GIGYF2: variants seen among roughly 807,000 people sequenced by gnomAD.
GIGYF2 encodes the protein GRB10 interacting GYF protein 2.
GIGYF2 carries 25 observed loss-of-function variants against 208.1 expected under a neutral mutation model. That is an observed-to-expected ratio of 0.12 (90% CI 0.09 to 0.17). The LOEUF is 0.17. GIGYF2 is among the 10% of genes least tolerant of loss of function. The pLI is 1.00. For synonymous variants in GIGYF2, 534 were observed against 543.8 expected (o/e 0.98, Z 0.25); for missense variants, 1,302 against 1,579.4 (o/e 0.82, Z 2.98).
chr2:232,813,754 T>C (rs1700816233), intron 18 of GIGYF2, among the ~76,000 whole-genome samples: 2 of 152,182 alleles, frequency 1.3e-5, no homozygotes, highest in African/African-American at 4.8e-5. Flanking sequence ...TTATTTTTTC[T>C]TGATAGCCGT....
At chr2:232,767,574 G>T (rs965786351) in intron 8 of GIGYF2, 1 of 154,748 alleles carries the variant, frequency 6.5e-6, no homozygotes, top group Admixed American at 6.4e-5. Flanking sequence ...ATGTGTTCGG[G>T]TGTCATGTTC....
chr2:232,805,425 T>C (rs1334626900), intron 14 of GIGYF2, among the ~76,000 whole-genome samples: 1 of 152,092 alleles, frequency 6.6e-6, no homozygotes, highest in Non-Finnish European at 1.5e-5. Flanking sequence ...TCTATGTGTA[T>C]TGACCCTTCT....
chr2:232,850,457 T>C, intron 28 of GIGYF2, 48 bp downstream of exon 28: 1 of 1,535,296 alleles, frequency 6.5e-7, no homozygotes, highest in Non-Finnish European at 9.0e-7. Flanking sequence ...GTGCAGGTGA[T>C]ACCAGTTATC....
chr2:232,782,873 G>C (rs1482405261), intron 8 of GIGYF2: 1 of 152,144 alleles, frequency 6.6e-6, no homozygotes, highest in Non-Finnish European at 1.5e-5. Flanking sequence ...GGGCTGATTG[G>C]GAGGACGCAT....
At chr2:232,818,540 C>T (rs796155266) in intron 20 of GIGYF2, among the ~76,000 whole-genome samples, 15 of 152,180 alleles carry the variant, frequency 9.9e-5, no homozygotes, top group African/African-American at 3.4e-4. Context: ...CTGTCGTTTC[C>T]CCCATTGTGT....
chr2:232,832,257 T>C (rs1012630318), intron 21 of GIGYF2, among the ~76,000 whole-genome samples: 3 of 152,154 alleles, frequency 2.0e-5, no homozygotes, highest in Admixed American at 6.5e-5. Flanking sequence ...GGGAATTTCT[T>C]AGTGAAATGA....
At chr2:232,700,526 T>A (rs1695796033) in intron 1 of GIGYF2, 1 of 152,260 alleles carries the variant, frequency 6.6e-6, no homozygotes, top group Non-Finnish European at 1.5e-5. Context: ...TTTGCAGTTC[T>A]CCATTAGCTC....
chr2:232,762,072 A>G (rs537384414), intron 8 of GIGYF2, among the ~76,000 whole-genome samples: 46 of 151,844 alleles, frequency 3.0e-4, no homozygotes, highest in African/African-American at 1.1e-3. Flanking sequence ...GTACTACCTT[A>G]CAAACTACCA....
chr2:232,837,041 T>A (rs1302904530), intron 22 of GIGYF2, among the ~76,000 whole-genome samples: 1 of 152,230 alleles, frequency 6.6e-6, no homozygotes, highest in Non-Finnish European at 1.5e-5. Flanking sequence ...GGCTTGCCTC[T>A]CCTGATGGCT....
intron 8 of GIGYF2, among the ~76,000 whole-genome samples, chr2:232,778,861 A>T (rs1699617308): frequency 6.6e-6 from 1 of 152,168 alleles, no homozygotes; most frequent in African/African-American, 2.4e-5. Flanking sequence ...TTGAAAATTA[A>T]CTTGAGGAAG....
intron 20 of GIGYF2, among the ~76,000 whole-genome samples, chr2:232,818,971 C>CTT (rs139232721): frequency 6.6e-6 from 1 of 150,928 alleles, no homozygotes; most frequent in Non-Finnish European, 1.5e-5. Flanking sequence ...ATTTTTTGGT[C>CTT]TTTTTTTTTC....
intron 3 of GIGYF2, chr2:232,735,921 A>C (rs1697715534): frequency 2.0e-6 from 2 of 984,366 alleles, no homozygotes; most frequent in African/African-American, 3.5e-5. Context: ...TTTTCTATTC[A>C]AACCTCGGGC....
intron 2 of GIGYF2, among the ~76,000 whole-genome samples, chr2:232,713,660 T>C (rs1696534849): frequency 1.3e-5 from 2 of 152,220 alleles, no homozygotes; most frequent in African/African-American, 4.8e-5. Context: ...TAGGCTTCTT[T>C]AGCTATGACA....
At chr2:232,795,958 C>G (rs746015537) in intron 13 of GIGYF2, 104 bp from the exon 14 acceptor site, 3 of 812,372 alleles carry the variant, frequency 3.7e-6, no homozygotes, top group Non-Finnish European at 6.4e-6. Context: ...TAGTGACTTT[C>G]ATAGATCAAG....
chr2:232,734,636 T>C lies in GIGYF2; in HGVS notation c.-43-519T>C, dbSNP rs567556155. ...GAGCAACATAGTGATACACACTGTC[T>C]GTTAAAAAAAAATCACTAGGGTGTA... On this transcript the variant is annotated intron_variant, in intron 2 of 28. Coordinates refer to ENST00000373563, the MANE Select transcript of GIGYF2 (RefSeq NM_001103146.3). 8 of 156,298 alleles carry C rather than the reference T, an allele frequency of 5.1e-5. No individual in the cohort carries two copies. The East Asian group carries it at 1.5e-3, about 30-fold the overall frequency. The allele number at this position is 156,298 out of a possible 1,614,324, so 9.7% of individuals were successfully genotyped here. A position where few individuals can be genotyped will look rare whatever the true frequency, so the allele number is the denominator to read the frequency against.
At chr2:232,707,859 A>G (rs1247445263) in intron 2 of GIGYF2, among the ~76,000 whole-genome samples, 1 of 151,962 alleles carries the variant, frequency 6.6e-6, no homozygotes, top group Non-Finnish European at 1.5e-5. Flanking sequence ...GCTGGTCCCG[A>G]ACTCTTGACC....
chr2:232,809,307 T>C (rs1286827154), intron 15 of GIGYF2, among the ~76,000 whole-genome samples: 1 of 152,232 alleles, frequency 6.6e-6, no homozygotes, highest in East Asian at 1.9e-4. Flanking sequence ...TATACCATTA[T>C]AAAATTCTGT....
chr2:232,704,333 T>C (rs1191922602), intron 2 of GIGYF2, among the ~76,000 whole-genome samples: 3 of 152,186 alleles, frequency 2.0e-5, no homozygotes, highest in African/African-American at 2.4e-5. Context: ...TACATGCCTA[T>C]CTATCTTTTG....
intron 8 of GIGYF2, among the ~76,000 whole-genome samples, chr2:232,786,869 C>G (rs1419059541): frequency 6.6e-6 from 1 of 152,116 alleles, no homozygotes; most frequent in Non-Finnish European, 1.5e-5. Flanking sequence ...GGGAGTACGA[C>G]TCTGAGGGTC....
Sources: gnomAD v4.1 joint callset for allele counts (sites outside exome capture counted in the v4.1 genomes callset) on GRCh38, gnomAD v4.1.1 for gene constraint, MANE v1.5 for transcripts, NCBI Gene and HGNC (gene_info 2026-07-23, HGNC 2026-07-21) for gene names.